WDFY2: variants seen among roughly 807,000 people sequenced by gnomAD.
WDFY2 encodes WD repeat and FYVE domain containing 2.
Under a neutral mutation model 56.4 loss-of-function variants are expected in WDFY2, and 36 were observed. The ratio of observed to expected loss-of-function variants is 0.64; its 90% CI spans 0.49 to 0.84. WDFY2 has a LOEUF of 0.84. Among genes scored for constraint, WDFY2 ranks in the 40% least tolerant of loss-of-function variants. The probability of loss-of-function intolerance (pLI) is 0.00; values close to 1 mark genes in which losing one functional copy is unlikely to be tolerated. For missense variants in WDFY2, 444 were observed against 512.2 expected (o/e 0.87, Z 1.29); for synonymous variants, 176 against 183.7 (o/e 0.96, Z 0.34).
intron 3 of WDFY2, among the ~76,000 whole-genome samples, chr13:51,701,891 G>T (rs1951992483): frequency 6.6e-6 from 1 of 152,126 alleles, no homozygotes; most frequent in African/African-American, 2.4e-5. Flanking sequence ...GTAAAGTTGG[G>T]GGTCAGGGTC....
chr13:51,613,346 A>T lies in WDFY2; in HGVS notation c.137+28522A>T, dbSNP rs866182691. The stretch of plus-strand genomic sequence containing the variant: ...GGAGAGGACCTCTGTCGAGGGCTCA[A>T]TCTGCTCCTCTTGCGGGGCTTTTGC... On this transcript the variant is annotated intron_variant, in intron 1 of 11. Coordinates refer to ENST00000298125, the MANE Select transcript of WDFY2 (RefSeq NM_052950.4). Among the ~76,000 whole-genome samples, 8 of 152,322 alleles carry T rather than the reference A, an allele frequency of 5.3e-5. No homozygotes were observed. The Middle Eastern group carries it at 0.01, about 194-fold the overall frequency.
At chr13:51,662,026 A>C (rs771217991) in intron 2 of WDFY2, among the ~76,000 whole-genome samples, 19 of 152,032 alleles carry the variant, frequency 1.2e-4, no homozygotes, top group Non-Finnish European at 2.4e-4. Context: ...GCTGGAGTAC[A>C]GTATTGCAAT....
chr13:51,762,418 A>G lies in WDFY2; in HGVS notation c.*2649A>G, dbSNP rs1953613069. 6.6e-6 allele frequency: 1 copy of G among 152,240 alleles called. No individual in the cohort carries two copies. The highest frequency in any genetic ancestry group is 2.1e-4 in the South Asian group (1 of 4,828). 9.4% of individuals were successfully genotyped at this position (152,240 alleles called of 1,614,324 possible). A position where few individuals can be genotyped will look rare whatever the true frequency, so the allele number is the denominator to read the frequency against. On this transcript the variant is annotated 3_prime_UTR_variant, in exon 12 of 12. Coordinates refer to ENST00000298125, the MANE Select transcript of WDFY2 (RefSeq NM_052950.4). ...CAGCCCACTGGTGTTGAGAATCATC[A>G]TCAGAAAACCAGATATGTCAAGGTA...
intron 5 of WDFY2, among the ~76,000 whole-genome samples, chr13:51,726,711 G>A (rs4625625): frequency 0.1 from 15,761 of 152,236 alleles, 1,019 homozygotes; most frequent in East Asian, 0.29. Context: ...TTCGTAAGCC[G>A]ACTTTCAGAG....
At position 51,612,418 on chromosome 13, in the gene WDFY2, G is replaced by C. The variant is rs563985211; in HGVS notation, c.137+27594G>C. Among the ~76,000 whole-genome samples the C allele has an allele frequency of 9.9e-5, 15 of 152,214 alleles. No individual in the cohort carries two copies. The South Asian group carries it at 3.1e-3, about 32-fold the overall frequency. ...CTTGTTACCAACTTTTCTTAACTTGGCTGACATAAATTAGAACTTTGAACA... is the reference window on the plus strand; with the variant it reads ...CTTGTTACCAACTTTTCTTAACTTGCCTGACATAAATTAGAACTTTGAACA... On this transcript the variant is annotated intron_variant, in intron 1 of 11. Transcript: ENST00000298125.
chr13:51,647,608 A>C (rs1479600965), intron 1 of WDFY2, among the ~76,000 whole-genome samples: 2 of 152,080 alleles, frequency 1.3e-5, no homozygotes, highest in Non-Finnish European at 2.9e-5. Flanking sequence ...TTTTTAAAAA[A>C]TTAGCCAGGT....
rs553472685 is a variant in WDFY2 at position 51,690,129 on chromosome 13, ATTG to A, written c.280-13464_280-13462del. Among the ~76,000 whole-genome samples the A allele has an allele frequency of 3.8e-3, 582 of 151,368 alleles. 5 individuals carry two copies. Among genetic ancestry groups the A allele is most frequent in the African/African-American group, 0.013 (558 of 41,402 alleles). On this transcript the variant is annotated intron_variant, in intron 3 of 11. Transcript: ENST00000298125. ...TATATTAACATGTAATACATTTGCT[ATTG>A]TTATTTTAATGAATTAATATTTAAA...
intron 3 of WDFY2, among the ~76,000 whole-genome samples, chr13:51,681,941 AC>A (rs1351122082): frequency 6.6e-6 from 1 of 152,138 alleles, no homozygotes; most frequent in Admixed American, 6.5e-5. Context: ...TTTGCTCAGT[AC>A]CTACATGTTA....
chr13:51,650,672 CAT>C (rs1421989828), intron 1 of WDFY2, among the ~76,000 whole-genome samples: 3 of 152,320 alleles, frequency 2.0e-5, no homozygotes, highest in South Asian at 4.1e-4. Context: ...TTGAGATAAT[CAT>C]GTGGTTTTTA....
chr13:51,631,809 G>A (rs142164851), intron 1 of WDFY2, among the ~76,000 whole-genome samples: 3 of 152,254 alleles, frequency 2.0e-5, no homozygotes, highest in South Asian at 2.1e-4. Flanking sequence ...GATTACAGGC[G>A]TGAGCCACTG....
chr13:51,751,537 G>A (rs575838083), intron 8 of WDFY2, 122 bp downstream of exon 8: 2 of 957,468 alleles, frequency 2.1e-6, no homozygotes, highest in South Asian at 3.0e-5. Context: ...AAGAATTGTA[G>A]CATAAAAGGA....
chr13:51,713,890 T>TTA (rs775317423), intron 4 of WDFY2, among the ~76,000 whole-genome samples: 6 of 150,102 alleles, frequency 4.0e-5, no homozygotes, highest in Non-Finnish European at 8.9e-5. Context: ...AGGATTCCCC[T>TTA]TATATATGAG....
chr13:51,737,798 C>T (rs954441307), intron 6 of WDFY2, among the ~76,000 whole-genome samples: 13 of 151,964 alleles, frequency 8.6e-5, no homozygotes, highest in South Asian at 2.1e-4. Flanking sequence ...TGTTGGTGGT[C>T]GGGGGTGAGG....
rs954863048 is a variant in WDFY2, at chr13:51,690,199, T to A, written c.280-13397T>A. 2.7e-3 allele frequency among the ~76,000 whole-genome samples: 402 copies of A among 150,584 alleles called. 2 individuals carry two copies. The highest frequency in any genetic ancestry group is 7.4e-3 in the African/African-American group (304 of 41,270). ...ATTTAGATCATTATATATATATATT[T>A]TTTTTATTATTATACTTTAAGTTTT... On this transcript the variant is annotated intron_variant, in intron 3 of 11. Transcript: ENST00000298125.
At chr13:51,666,653 G>A (rs142154005) in intron 2 of WDFY2, among the ~76,000 whole-genome samples, 25 of 152,282 alleles carry the variant, frequency 1.6e-4, no homozygotes, top group Admixed American at 5.2e-4. Flanking sequence ...TGGATAATGT[G>A]AAACATGAAA....
chr13:51,739,166 A>G lies in WDFY2; in HGVS notation c.716A>G (p.Gln239Arg). 1.3e-6 allele frequency: 2 copies of G among 1,588,984 alleles called. No individual in the cohort carries two copies. Among genetic ancestry groups the G allele is most frequent in the African/African-American group, 1.4e-5 (1 of 74,062 alleles). ...GGRKGTAIEL[Q>R]GHNDRVQALS... The stretch of plus-strand genomic sequence containing the variant: ...AGAAAAGGAACAGCCATCGAGCTCC[A>G]AGGACACAAGTAAGGTTGCTGGTGC... Residue 239 changes from glutamine (Q) to arginine (R), a missense_variant, in exon 7 of 12, where the codon CAA becomes CGA. By Grantham distance (43) the Gln-to-Arg change is conservative. Coordinates refer to ENST00000298125, the MANE Select transcript of WDFY2 (RefSeq NM_052950.4).
At chr13:51,597,308 A>G (rs761588313) in intron 1 of WDFY2, among the ~76,000 whole-genome samples, 1 of 152,328 alleles carries the variant, frequency 6.6e-6, no homozygotes. Context: ...CTTTGGCTAT[A>G]ATTGAAGTTC....
chr13:51,759,697 A>G (rs1236631198), intron 11 of WDFY2, 43 bp from the exon 12 acceptor site: 4 of 1,610,498 alleles, frequency 2.5e-6, no homozygotes, highest in Non-Finnish European at 3.4e-6. Context: ...GTTATCCTCA[A>G]CACAATTTTA....
intron 8 of WDFY2, among the ~76,000 whole-genome samples, chr13:51,754,161 A>T (rs1398921415): frequency 6.6e-6 from 1 of 150,750 alleles, no homozygotes. Flanking sequence ...AACTTTTGCC[A>T]TTGAACCCTT....
Sources: allele counts gnomAD v4.1 joint callset (sites outside exome capture counted in the v4.1 genomes callset), GRCh38; gene constraint gnomAD v4.1.1; transcripts MANE v1.5; gene names NCBI Gene and HGNC (gene_info 2026-07-23, HGNC 2026-07-21).